Variants in PCDH15 observed in about 807,000 individuals in gnomAD.
PCDH15 encodes protocadherin-15.
PCDH15 carries 129 observed loss-of-function variants against 178.5 expected under a neutral mutation model. The observed-to-expected ratio is 0.72, with a 90% confidence interval of 0.63 to 0.84. The LOEUF (loss-of-function observed/expected upper bound fraction) is 0.84. Among genes scored for constraint, PCDH15 ranks in the 40% least tolerant of loss-of-function variants. The probability of loss-of-function intolerance (pLI) is 0.00; values close to 1 mark genes in which losing one functional copy is unlikely to be tolerated. For synonymous variants in PCDH15, 800 were observed against 732.0 expected, an observed-to-expected ratio of 1.09 and a Z score of -1.50; for missense variants, 2,230 against 2,099.9, an observed-to-expected ratio of 1.06 and a Z score of -1.21.
intron 23 of PCDH15, among the ~76,000 whole-genome samples, chr10:53,955,316 G>A (rs997980683): frequency 6.6e-6 from 1 of 152,084 alleles, no homozygotes; most frequent in Non-Finnish European, 1.5e-5. Context: ...ATATTTGGTG[G>A]TTTCCTATTA....
chr10:55,350,647 A>G (rs1467196487), intron 2 of PCDH15, among the ~76,000 whole-genome samples: 13 of 152,238 alleles, frequency 8.5e-5, no homozygotes, highest in African/African-American at 3.1e-4. Context: ...TTAAAAAACA[A>G]GCAGGTGCTG....
chr10:54,652,509 T>A (rs1368334272), intron 2 of PCDH15, among the ~76,000 whole-genome samples: 4 of 152,212 alleles, frequency 2.6e-5, no homozygotes, highest in Non-Finnish European at 5.9e-5. Flanking sequence ...GGCTAGATTG[T>A]GTTCCCCAAA....
chr10:55,576,467 G>C (rs2132115099), intron 2 of PCDH15, among the ~76,000 whole-genome samples: 1 of 152,248 alleles, frequency 6.6e-6, no homozygotes, highest in East Asian at 1.9e-4. Flanking sequence ...TATTGTTTAA[G>C]GGTCAACTGT....
intron 2 of PCDH15, among the ~76,000 whole-genome samples, chr10:54,545,008 T>A (rs1298927264): frequency 6.6e-6 from 1 of 152,130 alleles, no homozygotes; most frequent in African/African-American, 2.4e-5. Flanking sequence ...ATTTAGTCCC[T>A]CTAATCACAA....
intron 1 of PCDH15, among the ~76,000 whole-genome samples, chr10:55,207,812 CA>C: frequency 6.6e-6 from 1 of 151,792 alleles, no homozygotes. Context: ...ATTAAAAATA[CA>C]AAAAAATTAG....
intron 2 of PCDH15, among the ~76,000 whole-genome samples, chr10:55,071,713 C>A (rs971603542): frequency 2.0e-5 from 3 of 151,998 alleles, no homozygotes; most frequent in African/African-American, 4.8e-5. Context: ...ACAAGGATAC[C>A]CAGGAATTGA....
chr10:55,542,641 ATG>A (rs1841793858), intron 2 of PCDH15, among the ~76,000 whole-genome samples: 1 of 139,284 alleles, frequency 7.2e-6, no homozygotes, highest in South Asian at 2.4e-4. Context: ...ATACAGACAT[ATG>A]TATGTGTCTA....
chr10:55,406,107 T>A (rs1294923424), intron 2 of PCDH15, among the ~76,000 whole-genome samples: 1 of 149,972 alleles, frequency 6.7e-6, no homozygotes, highest in East Asian at 1.9e-4. Context: ...TACCCAAATA[T>A]GTTCATGTAA....
intron 3 of PCDH15, among the ~76,000 whole-genome samples, chr10:54,866,846 A>G (rs183493044): frequency 1.2e-3 from 177 of 152,288 alleles, no homozygotes; most frequent in Non-Finnish European, 2.2e-3. Flanking sequence ...ACTGTCAAAT[A>G]TTTACACAGA....
chr10:54,951,094 T>G (rs2131874435), intron 2 of PCDH15, among the ~76,000 whole-genome samples: 1 of 152,080 alleles, frequency 6.6e-6, no homozygotes, highest in Non-Finnish European at 1.5e-5. Flanking sequence ...GTATTTTACA[T>G]TAGAGTTCAC....
At chr10:55,254,665 T>C (rs1841940497) in intron 1 of PCDH15, among the ~76,000 whole-genome samples, 1 of 152,132 alleles carries the variant, frequency 6.6e-6, no homozygotes, top group Non-Finnish European at 1.5e-5. Flanking sequence ...GGCAAAGCAA[T>C]ATGAGATATT....
intron 2 of PCDH15, among the ~76,000 whole-genome samples, chr10:54,591,180 A>G (rs1937416): frequency 0.93 from 141,328 of 152,132 alleles, 65,982 homozygotes; most frequent in Middle Eastern, 0.98. Flanking sequence ...CCTAATTCCA[A>G]GAGCCTTGGA....
At chr10:54,582,829 T>C (rs1051174009) in intron 2 of PCDH15, among the ~76,000 whole-genome samples, 34 of 152,182 alleles carry the variant, frequency 2.2e-4, no homozygotes, top group African/African-American at 8.2e-4. Flanking sequence ...AGTTCAAGGT[T>C]ACAGTAAGCT....
intron 2 of PCDH15, among the ~76,000 whole-genome samples, chr10:54,938,727 C>G (rs2131860802): frequency 6.6e-6 from 1 of 152,108 alleles, no homozygotes; most frequent in East Asian, 1.9e-4. Flanking sequence ...AATTTAAGAG[C>G]CTTGATAAAG....
At chr10:54,104,589 A>T (rs1438605866) in intron 15 of PCDH15, among the ~76,000 whole-genome samples, 1 of 152,002 alleles carries the variant, frequency 6.6e-6, no homozygotes, top group Non-Finnish European at 1.5e-5. Context: ...TGTAATCCCA[A>T]CACTTTGGGA....
At chr10:54,768,400 T>G (rs1331528906) in intron 1 of PCDH15, among the ~76,000 whole-genome samples, 2 of 152,136 alleles carry the variant, frequency 1.3e-5, no homozygotes, top group African/African-American at 2.4e-5. Flanking sequence ...GATGTCACCC[T>G]CAGAGAGATT....
At chr10:55,319,894 C>T (rs927319270), upstream of PCDH15, among the ~76,000 whole-genome samples, 1 of 152,090 alleles carries the variant, frequency 6.6e-6, no homozygotes, top group Non-Finnish European at 1.5e-5. Context: ...TGCCTTGCTC[C>T]CACAGTAGAC....
intron 1 of PCDH15, among the ~76,000 whole-genome samples, chr10:55,176,400 A>T (rs1447398010): frequency 2.0e-5 from 3 of 151,974 alleles, no homozygotes; most frequent in Non-Finnish European, 4.4e-5. Flanking sequence ...CCTGGTGGAG[A>T]CTGATATTAA....
At chr10:55,466,142 C>A (rs191762095) in intron 2 of PCDH15, among the ~76,000 whole-genome samples, 277 of 152,166 alleles carry the variant, frequency 1.8e-3, no homozygotes, top group Non-Finnish European at 3.3e-3. Flanking sequence ...CTATTTATAT[C>A]ATTTATTTCC....
Sources: allele counts gnomAD v4.1 joint callset (sites outside exome capture counted in the v4.1 genomes callset), GRCh38; gene constraint gnomAD v4.1.1; transcripts MANE v1.5; gene names NCBI Gene and HGNC (gene_info 2026-07-23, HGNC 2026-07-21).